The following LAMC3 variants were observed in gnomAD, a reference collection of about 807,000 sequenced individuals.
LAMC3 encodes laminin subunit gamma-3.
Under a neutral mutation model 173.8 loss-of-function variants are expected in LAMC3, and 128 were observed. The ratio of observed to expected loss-of-function variants is 0.74; its 90% CI spans 0.64 to 0.85. The LOEUF is 0.85. Among genes scored for constraint, LAMC3 ranks in the 40% least tolerant of loss-of-function variants. The pLI is 0.00. For missense variants in LAMC3, 2,022 were observed against 2,156.0 expected, an observed-to-expected ratio of 0.94 and a Z score of 1.23; for synonymous variants, 897 against 909.1, an observed-to-expected ratio of 0.99 and a Z score of 0.24.
At chr9:131,081,976 A>T (rs917999094) in intron 23 of LAMC3, 83 bp from the exon 24 acceptor site, 4 of 941,836 alleles carry the variant, frequency 4.2e-6, no homozygotes, top group Middle Eastern at 2.1e-4. Context: ...GCACCCATGT[A>T]TGTGGGTTTG....
Position 131,069,689 on chromosome 9 carries a change from C to A in LAMC3, c.2908C>A (p.Leu970Met), listed in dbSNP as rs1390919225. 6.2e-7 allele frequency: 1 copy of A among 1,603,658 alleles called. No individual in the cohort carries two copies. The highest frequency in any genetic ancestry group is 1.1e-5 in the South Asian group (1 of 89,078). Residue 970 changes from leucine (L) to methionine (M), a missense_variant, in exon 17 of 28, where the codon CTG (leucine) becomes ATG (methionine). Physicochemically the swap from Leu to Met is conservative, Grantham distance 15 (BLOSUM62 2). Coordinates refer to ENST00000361069, the MANE Select transcript of LAMC3 (RefSeq NM_006059.4). ...KGCRACRCSP[L>M]GAASAQCHEN... ...CCCTCTAGCCTGCAGGTGCTCCCCACTGGGCGCTGCCTCGGCCCAGTGCCA... is the reference window on the plus strand; with the variant it reads ...CCCTCTAGCCTGCAGGTGCTCCCCAATGGGCGCTGCCTCGGCCCAGTGCCA...
At chr9:131,049,423 C>A (rs890929600) in intron 9 of LAMC3, among the ~76,000 whole-genome samples, 1 of 152,080 alleles carries the variant, frequency 6.6e-6, no homozygotes, top group Non-Finnish European at 1.5e-5. Flanking sequence ...TTCTCACGCC[C>A]CATCACTGGC....
chr9:131,068,235 G>A lies in LAMC3; in HGVS notation c.2747+4G>A. ...AGCCTGGGAGGGGCTGCCGGAGGTA[G>A]GTAGGGTGAGACTGCCGGTGCCCTG... On this transcript the variant is annotated splice_donor_region_variant and intron_variant, in intron 15 of 27. Coordinates refer to ENST00000361069, the MANE Select transcript of LAMC3 (RefSeq NM_006059.4). The A allele has an allele frequency of 1.2e-6, 2 of 1,607,972 alleles. No homozygotes were observed. The highest frequency in any genetic ancestry group is 8.5e-7 in the Non-Finnish European group (1 of 1,177,206).
intron 6 of LAMC3, among the ~76,000 whole-genome samples, chr9:131,040,806 C>G (rs937508561): frequency 2.6e-5 from 4 of 152,204 alleles, no homozygotes; most frequent in Non-Finnish European, 5.9e-5. Flanking sequence ...GCCTGCACAC[C>G]CAGGCTGAGT....
At chr9:131,043,982 G>A (rs995344486) in intron 7 of LAMC3, among the ~76,000 whole-genome samples, 3 of 142,100 alleles carry the variant, frequency 2.1e-5, no homozygotes, top group Non-Finnish European at 3.0e-5. Context: ...TTTTTGAGAC[G>A]GAGTTTCGCT....
At chr9:131,090,654 G>A (rs1830408466) in intron 27 of LAMC3, among the ~76,000 whole-genome samples, 1 of 152,142 alleles carries the variant, frequency 6.6e-6, no homozygotes, top group Admixed American at 6.5e-5. Context: ...ACTTTGGGAG[G>A]CCAAGGCGGG....
intron 27 of LAMC3, among the ~76,000 whole-genome samples, chr9:131,090,944 G>A (rs934632368): frequency 3.9e-5 from 6 of 152,214 alleles, no homozygotes; most frequent in African/African-American, 7.2e-5. Flanking sequence ...CAGGAGAATC[G>A]CTTGAACCTG....
rs1732406362 is a variant in LAMC3, at chr9:131,068,930, T to C, written c.2770T>C (p.Ser924Pro). The change falls in exon 16 of 28, where the codon TCC becomes CCC. Residue 924 changes from serine (S) to proline (P), a missense_variant. By Grantham distance (74) the Ser-to-Pro change is moderately conservative (BLOSUM62 -1). Transcript: ENST00000361069. ...CRSCKCHPLG[S>P]QEDQCHPKTG... ...CAGCTGCAAGTGTCACCCACTGGGC[T>C]CCCAGGAGGACCAGTGCCATCCCAA... 6.2e-6 allele frequency: 10 copies of C among 1,613,836 alleles called. No individual in the cohort carries two copies. Among genetic ancestry groups the C allele is most frequent in the African/African-American group, 1.3e-5 (1 of 74,896 alleles).
At chr9:131,076,068 C>A in intron 21 of LAMC3, 103 bp downstream of exon 21, 1 of 1,202,464 alleles carries the variant, frequency 8.3e-7, no homozygotes, top group Non-Finnish European at 1.1e-6. Flanking sequence ...CCCTTGAGTC[C>A]TGACGTTCTT....
chr9:131,038,193 C>G (rs975849493), intron 4 of LAMC3, among the ~76,000 whole-genome samples: 1 of 152,246 alleles, frequency 6.6e-6, no homozygotes, highest in Non-Finnish European at 1.5e-5. Context: ...CTTGTCCCAC[C>G]ACCCCAGCAC....
In LAMC3 at chr9:131,026,534, C is replaced by CCA; in HGVS notation, c.625_626dup (p.Leu210ProfsTer30). ...CTGAGTGGCGGCAACGTGGCCTTCT[C>CCA]CACCCTGGAGGGCCGGCCCAGCGCC... On this transcript the variant is annotated frameshift_variant, in exon 2 of 28. Transcript: ENST00000361069. LOFTEE classifies it high-confidence loss of function. This position sits in a 1 kb window ranked among gnomAD's most constrained non-coding sequence, Gnocchi z 4.8. 1 of 1,611,314 alleles carries CCA rather than the reference C, an allele frequency of 6.2e-7. No homozygotes were observed. The highest frequency in any genetic ancestry group is 8.5e-7 in the Non-Finnish European group (1 of 1,179,300).
intron 13 of LAMC3, among the ~76,000 whole-genome samples, chr9:131,065,814 GTGATGATGATGAGAATAATGGTCAAGA>G (rs146835575): frequency 0.1 from 15,712 of 152,056 alleles, 836 homozygotes; most frequent in South Asian, 0.15. Flanking sequence ...GGTGATGAAG[GTGATGATGATGAGAATAATGGTCAAGA>G]TGATGATGAT....
intron 1 of LAMC3, among the ~76,000 whole-genome samples, chr9:131,023,417 C>T (rs1306278637): frequency 6.6e-6 from 1 of 152,150 alleles, no homozygotes; most frequent in Non-Finnish European, 1.5e-5. Flanking sequence ...GGGTTCCAAT[C>T]CCCCAACTTC....
intron 23 of LAMC3, among the ~76,000 whole-genome samples, chr9:131,081,520 G>C (rs1333031693): frequency 3.0e-5 from 4 of 131,310 alleles, no homozygotes; most frequent in African/African-American, 1.1e-4. Context: ...ACCCAGGCTG[G>C]AGTGCAGTGG....
At position 131,077,199 on chromosome 9, in the gene LAMC3, C is replaced by G; in HGVS notation, c.3642C>G (p.Val1214=). 6.2e-7 allele frequency: 1 copy of G among 1,613,702 alleles called. No homozygotes were observed. ...QRDLEDRYQE[V]QAAQKALRTA... ...TGCTTCCTCCCAGGTACCAGGAGGT[C>G]CAGGCGGCCCAGAAAGCACTGAGGA... Residue 1214 remains valine (V), a synonymous_variant, in exon 22 of 28, where the codon GTC becomes GTG. Coordinates refer to ENST00000361069, the MANE Select transcript of LAMC3 (RefSeq NM_006059.4).
At position 131,068,211 on chromosome 9, in the gene LAMC3, G is replaced by A; in HGVS notation, c.2727G>A (p.Gln909=). The A allele has an allele frequency of 6.2e-7, 1 of 1,611,074 alleles. No homozygotes were observed. The highest frequency in any genetic ancestry group is 8.5e-7 in the Non-Finnish European group (1 of 1,178,504). ...GCTACCCTGGCTTCTTCGACCTCCA[G>A]CCTGGGAGGGGCTGCCGGAGGTAGG... ...SRCYPGFFDL[Q]PGRGCRSCKC... Residue 909 remains glutamine (Q), a synonymous_variant, in exon 15 of 28, where the codon CAG becomes CAA. Coordinates refer to ENST00000361069, the MANE Select transcript of LAMC3 (RefSeq NM_006059.4).
chr9:131,026,325 C>T lies in LAMC3; in HGVS notation c.414C>T (p.His138=). The T allele has an allele frequency of 6.2e-7, 1 of 1,614,178 alleles. No homozygotes were observed. Among genetic ancestry groups the T allele is most frequent in the Non-Finnish European group, 8.5e-7 (1 of 1,180,018 alleles). ...YEITYVRLKF[H]TSRPESFAIY... ...TCACGTATGTGAGGCTGAAGTTCCA[C>T]ACCAGTCGCCCTGAGAGCTTTGCCA... Residue 138 remains histidine, a synonymous_variant, in exon 2 of 28, where the codon CAC becomes CAT. Coordinates refer to ENST00000361069, the MANE Select transcript of LAMC3 (RefSeq NM_006059.4). The surrounding 1 kb of genome is among the most constrained non-coding windows in gnomAD (Gnocchi z 4.8).
At chr9:131,020,720 T>C (rs905494605) in intron 1 of LAMC3, among the ~76,000 whole-genome samples, 4 of 152,158 alleles carry the variant, frequency 2.6e-5, no homozygotes, top group African/African-American at 9.7e-5. Flanking sequence ...CACAAGGAAT[T>C]CCAGAGAATG....
At chr9:131,068,682 C>T (rs999231282) in intron 15 of LAMC3, among the ~76,000 whole-genome samples, 1 of 152,174 alleles carries the variant, frequency 6.6e-6, no homozygotes, top group Non-Finnish European at 1.5e-5. Flanking sequence ...CTCCCCGAGA[C>T]ACGTTTGTCC....
Sources: allele counts gnomAD v4.1 joint callset (sites outside exome capture counted in the v4.1 genomes callset), GRCh38; gene constraint gnomAD v4.1.1; non-coding constraint Gnocchi (gnomAD v3.1); transcripts MANE v1.5; gene names NCBI Gene and HGNC (gene_info 2026-07-23, HGNC 2026-07-21).